The following GBE1 variants were observed in gnomAD, a reference collection of about 807,000 sequenced individuals.
GBE1 encodes the protein 1,4-alpha-glucan-branching enzyme.
A neutral mutation model predicts 88.8 loss-of-function variants in GBE1; 70 were observed. The ratio of observed to expected loss-of-function variants is 0.79; its 90% CI spans 0.65 to 0.96. GBE1 has a LOEUF of 0.96. GBE1 is among the 40% of genes least tolerant of loss of function. The pLI, the probability that GBE1 is intolerant of heterozygous loss-of-function variation, is 0.00. For synonymous variants in GBE1, 284 were observed against 300.1 expected (o/e 0.95, Z 0.56); for missense variants, 872 against 871.0 (o/e 1.00, Z -0.01).
intron 14 of GBE1, among the ~76,000 whole-genome samples, chr3:81,519,105 C>T (rs917739619): frequency 2.6e-5 from 4 of 151,582 alleles, no homozygotes; most frequent in Non-Finnish European, 3.0e-5. Context: ...CATCACCACA[C>T]TTCAAAGCCT....
intron 12 of GBE1, among the ~76,000 whole-genome samples, chr3:81,577,170 C>T (rs976532082): frequency 1.7e-4 from 26 of 151,804 alleles, no homozygotes; most frequent in Non-Finnish European, 3.2e-4. Context: ...TCTAACTCTT[C>T]GCCTCAAGCC....
chr3:81,536,998 G>A lies in GBE1; in HGVS notation c.1716C>T (p.Asp572=), dbSNP rs2229520. The A allele has an allele frequency of 2.8e-3, 4,435 of 1,591,780 alleles. 114 individuals are homozygous for A. The African/African-American group carries it at 0.053, about 19-fold the overall frequency. ...YARRQFHLTD[D]DLLRYKFLNN... The stretch of plus-strand genomic sequence containing the variant: ...TTAGGAACTTGTAGCGAAGAAGGTC[G>A]TCGTCAGTTAAATGAAACTGCCGCC... The change falls in exon 13 of 16, where the codon GAC becomes GAT. Residue 572 remains aspartate, a synonymous_variant. Coordinates refer to ENST00000429644, the MANE Select transcript of GBE1 (RefSeq NM_000158.4).
chr3:81,585,286 C>T (rs1028020639), intron 10 of GBE1, among the ~76,000 whole-genome samples: 1 of 151,956 alleles, frequency 6.6e-6, no homozygotes, highest in African/African-American at 2.4e-5. Context: ...TAAGAGTAGG[C>T]GCTACAGTTT....
intron 2 of GBE1, among the ~76,000 whole-genome samples, chr3:81,698,608 T>C (rs925399671): frequency 3.3e-5 from 5 of 152,200 alleles, no homozygotes; most frequent in Non-Finnish European, 5.9e-5. Context: ...GTCATAGTCA[T>C]AGATCATCAC....
chr3:81,605,167 ATATCCT>A (rs1447320511), intron 7 of GBE1, among the ~76,000 whole-genome samples: 2 of 152,182 alleles, frequency 1.3e-5, no homozygotes, highest in African/African-American at 4.8e-5. Context: ...AAAAACATCA[ATATCCT>A]TAAGGAATCA....
chr3:81,592,838 G>A (rs547707066), intron 8 of GBE1, among the ~76,000 whole-genome samples: 3 of 152,020 alleles, frequency 2.0e-5, no homozygotes, highest in East Asian at 1.9e-4. Flanking sequence ...CAGCTTCCCC[G>A]AAACTGGAAA....
intron 1 of GBE1, among the ~76,000 whole-genome samples, chr3:81,728,939 G>T (rs1403864067): frequency 6.6e-6 from 1 of 151,204 alleles, no homozygotes; most frequent in Non-Finnish European, 1.5e-5. Flanking sequence ...TCTGACTCAA[G>T]AAGCTGGTAT....
intron 12 of GBE1, among the ~76,000 whole-genome samples, chr3:81,547,314 T>C (rs1703218403): frequency 6.6e-6 from 1 of 151,372 alleles, no homozygotes; most frequent in Non-Finnish European, 1.5e-5. Flanking sequence ...CTTAGTAAAG[T>C]CCTCGGATAA....
At chr3:81,611,890 C>G (rs1360631829) in intron 7 of GBE1, among the ~76,000 whole-genome samples, 2 of 152,048 alleles carry the variant, frequency 1.3e-5, no homozygotes, top group African/African-American at 4.8e-5. Flanking sequence ...TATCCAAACA[C>G]AAGCAACGTG....
intron 7 of GBE1, among the ~76,000 whole-genome samples, chr3:81,609,015 T>C (rs1474176905): frequency 6.6e-6 from 1 of 152,160 alleles, no homozygotes; most frequent in Non-Finnish European, 1.5e-5. Context: ...GAAAAGTAAC[T>C]AAAACGAATG....
At chr3:81,533,115 T>G (rs1703031374) in intron 14 of GBE1, among the ~76,000 whole-genome samples, 1 of 152,086 alleles carries the variant, frequency 6.6e-6, no homozygotes, top group Admixed American at 6.6e-5. Flanking sequence ...TAACAAAGAT[T>G]GAAGTAGATA....
At chr3:81,625,426 T>G (rs931264495) in intron 7 of GBE1, among the ~76,000 whole-genome samples, 1 of 151,806 alleles carries the variant, frequency 6.6e-6, no homozygotes, top group African/African-American at 2.4e-5. Flanking sequence ...TAAGTACCAA[T>G]AAAAAATAAA....
intron 3 of GBE1, among the ~76,000 whole-genome samples, chr3:81,666,523 A>G (rs1705116202): frequency 6.6e-6 from 1 of 152,210 alleles, no homozygotes; most frequent in Non-Finnish European, 1.5e-5. Flanking sequence ...CCAAAGAAAT[A>G]TACATGTGCA....
chr3:81,692,134 G>A (rs1705530165), intron 2 of GBE1, among the ~76,000 whole-genome samples: 1 of 152,190 alleles, frequency 6.6e-6, no homozygotes, highest in East Asian at 1.9e-4. Flanking sequence ...CCAGGGCTGG[G>A]GCAAGTACAG....
chr3:81,629,875 CCCCACA>C (rs1207455980), intron 7 of GBE1, among the ~76,000 whole-genome samples: 1 of 149,116 alleles, frequency 6.7e-6, no homozygotes, highest in Admixed American at 6.7e-5. Context: ...CCTCCCCCCA[CCCCACA>C]ACAGTCCCCG....
intron 7 of GBE1, among the ~76,000 whole-genome samples, chr3:81,642,243 G>A (rs1704692546): frequency 6.6e-6 from 1 of 152,016 alleles, no homozygotes; most frequent in Non-Finnish European, 1.5e-5. Flanking sequence ...CATGTAAGTA[G>A]AGTTGCTGTG....
At chr3:81,724,189 C>G (rs1470689508) in intron 1 of GBE1, among the ~76,000 whole-genome samples, 2 of 152,158 alleles carry the variant, frequency 1.3e-5, no homozygotes. Flanking sequence ...GAGAAAAGCC[C>G]AAATGCAACA....
At chr3:81,659,160 T>TA (rs567349606) in intron 3 of GBE1, among the ~76,000 whole-genome samples, 10 of 151,054 alleles carry the variant, frequency 6.6e-5, no homozygotes, top group South Asian at 6.3e-4. Flanking sequence ...ATAAAGCCAA[T>TA]AAAAAAAAAT....
At chr3:81,578,117 G>C (rs1250819748) in intron 11 of GBE1, 21 bp from the exon 12 acceptor site, 1 of 1,540,116 alleles carries the variant, frequency 6.5e-7, no homozygotes, top group Non-Finnish European at 8.7e-7. Context: ...AAAAGTAATG[G>C]AGATAAATGA....
Sources: gnomAD v4.1 joint callset for allele counts (sites outside exome capture counted in the v4.1 genomes callset) on GRCh38, gnomAD v4.1.1 for gene constraint, MANE v1.5 for transcripts, NCBI Gene and HGNC (gene_info 2026-07-23, HGNC 2026-07-21) for gene names.